Variants in KLHL7 observed in about 807,000 individuals in gnomAD.
KLHL7 encodes the protein kelch-like protein 7.
KLHL7 carries 44 observed loss-of-function variants against 67.4 expected under a neutral mutation model. The ratio of observed to expected loss-of-function variants is 0.65; its 90% CI spans 0.51 to 0.84. The LOEUF (loss-of-function observed/expected upper bound fraction) is 0.84, where lower values mean the gene tolerates loss of function less well. KLHL7 is among the 40% of genes least tolerant of loss of function. The pLI is 0.00. For synonymous variants in KLHL7, 252 were observed against 243.3 expected (o/e 1.04, Z -0.33); for missense variants, 362 against 718.1 (o/e 0.50, Z 5.67).
At chr7:23,160,001 C>A (rs1489357574) in intron 7 of KLHL7, among the ~76,000 whole-genome samples, 1 of 152,144 alleles carries the variant, frequency 6.6e-6, no homozygotes, top group African/African-American at 2.4e-5. Context: ...TATTTAAATA[C>A]AAAAATGCTT....
intron 4 of KLHL7, chr7:23,125,633 T>G: frequency 8.7e-7 from 1 of 1,155,220 alleles, no homozygotes; most frequent in Non-Finnish European, 1.2e-6. Flanking sequence ...CCTTGCTGCC[T>G]CCCCACATTG....
intron 7 of KLHL7, among the ~76,000 whole-genome samples, chr7:23,161,464 A>G (rs1784852409): frequency 6.6e-6 from 1 of 152,226 alleles, no homozygotes; most frequent in Non-Finnish European, 1.5e-5. Flanking sequence ...AATTACCTTT[A>G]TATCTGCCAG....
At chr7:23,106,532 A>G in intron 1 of KLHL7, 1 of 1,094,938 alleles carries the variant, frequency 9.1e-7, no homozygotes, top group African/African-American at 1.6e-5. Flanking sequence ...GGCATAGCCC[A>G]AACCGAAGCC....
At chr7:23,126,530 C>G (rs1783579772) in intron 4 of KLHL7, among the ~76,000 whole-genome samples, 2 of 151,848 alleles carry the variant, frequency 1.3e-5, no homozygotes, top group Non-Finnish European at 2.9e-5. Context: ...GATATTTGAC[C>G]CAGGAGAAAA....
rs1050518915 is a variant in KLHL7 at position 23,176,174 on chromosome 7, A to T, written c.*1876A>T. 1 of 152,050 alleles carries T rather than the reference A, an allele frequency of 6.6e-6. No homozygotes were observed. The highest frequency in any genetic ancestry group is 6.6e-5 in the Admixed American group (1 of 15,264). The allele number at this position is 152,050 out of a possible 1,614,324, so 9.4% of individuals were successfully genotyped here. A position where few individuals can be genotyped will look rare whatever the true frequency, so the allele number is the denominator to read the frequency against. On this transcript the variant is annotated 3_prime_UTR_variant, in exon 11 of 11. Coordinates refer to ENST00000339077, the MANE Select transcript of KLHL7 (RefSeq NM_001031710.3). ...TGGTGGCTTTAAAGAACAGAAATTT[A>T]TTCTCTCACAATTCAGGAAGCCAGC...
rs531800731 is a variant in KLHL7, at chr7:23,161,212, A to G, written c.937-4486A>G. 3.3e-5 allele frequency among the ~76,000 whole-genome samples: 5 copies of G among 152,346 alleles called. No individual in the cohort carries two copies. In the South Asian group the frequency reaches 1.0e-3, roughly 32 times the overall value. On this transcript the variant is annotated intron_variant, in intron 7 of 10. Coordinates refer to ENST00000339077, the MANE Select transcript of KLHL7 (RefSeq NM_001031710.3). ...CGTCCAAAGACAGTCATCAGTAGTT[A>G]GTGAACATCATTTCAGTCCTTACAT...
In KLHL7 at chr7:23,140,782, A is replaced by G. The variant is rs766298228; in HGVS notation, c.456A>G (p.Leu152=). 3 of 1,613,664 alleles carry G rather than the reference A, an allele frequency of 1.9e-6. No homozygotes were observed. Among genetic ancestry groups the G allele is most frequent in the Admixed American group, 1.7e-5 (1 of 60,016 alleles). ...DASNCLGISV[L]AECLDCPELK... ...TTCTGTGTTTAGGTATAAGTGTGCT[A>G]GCGGAGTGTCTAGATTGTCCTGAAT... The change falls in exon 5 of 11, where the codon CTA becomes CTG. Residue 152 remains leucine (L), a synonymous_variant. Coordinates refer to ENST00000339077, the MANE Select transcript of KLHL7 (RefSeq NM_001031710.3).
intron 5 of KLHL7, among the ~76,000 whole-genome samples, chr7:23,141,714 C>T (rs1784189624): frequency 6.6e-6 from 1 of 152,036 alleles, no homozygotes; most frequent in African/African-American, 2.4e-5. Context: ...GCTCCTTCTC[C>T]CGAGTTCACG....
intron 4 of KLHL7, among the ~76,000 whole-genome samples, chr7:23,130,880 A>C (rs1411791141): frequency 6.6e-6 from 1 of 152,232 alleles, no homozygotes; most frequent in African/African-American, 2.4e-5. Flanking sequence ...TAGATCAGGC[A>C]TGTCTGGGGA....
intron 9 of KLHL7, 101 bp from the exon 10 acceptor site, chr7:23,172,847 A>C: frequency 2.4e-6 from 2 of 850,576 alleles, no homozygotes; most frequent in South Asian, 2.7e-5. Context: ...CACATATGTG[A>C]GTAGTAAATG....
chr7:23,123,700 C>A, intron 1 of KLHL7, 77 bp from the exon 2 acceptor site: 1 of 905,550 alleles, frequency 1.1e-6, no homozygotes, highest in Non-Finnish European at 1.8e-6. Flanking sequence ...AAGCATTTGG[C>A]AAGCACCTTT....
At chr7:23,148,625 A>G (rs1385643014) in intron 6 of KLHL7, among the ~76,000 whole-genome samples, 1 of 152,044 alleles carries the variant, frequency 6.6e-6, no homozygotes, top group East Asian at 1.9e-4. Context: ...CAATTCCCAA[A>G]CTGTGTGTTA....
intron 4 of KLHL7, 74 bp from the exon 5 acceptor site, chr7:23,140,695 A>G: frequency 8.0e-7 from 1 of 1,243,082 alleles, no homozygotes; most frequent in South Asian, 1.2e-5. Flanking sequence ...TCCTGAAGTC[A>G]TGCTTCATCT....
At chr7:23,157,455 C>T (rs557810141) in intron 7 of KLHL7, among the ~76,000 whole-genome samples, 1 of 152,254 alleles carries the variant, frequency 6.6e-6, no homozygotes, top group South Asian at 2.1e-4. Context: ...GTGTTCTCTG[C>T]AGTTTGTGCA....
In KLHL7 at chr7:23,128,114, C is replaced by T. The variant is rs117896784; in HGVS notation, c.442+2942C>T. Among the ~76,000 whole-genome samples, 140 of 143,914 alleles carry T rather than the reference C, an allele frequency of 9.7e-4. 4 individuals carry two copies. In the East Asian group the frequency reaches 0.026, roughly 27 times the overall value. 94.4% of individuals were successfully genotyped at this position (143,914 alleles called of 152,430 possible). On this transcript the variant is annotated intron_variant, in intron 4 of 10. Coordinates refer to ENST00000339077, the MANE Select transcript of KLHL7 (RefSeq NM_001031710.3). ...CGCCACTGCACTCTAGGCTGGACTA[C>T]AGAGTGAGACTCTGTCTCAAGAAAA...
At position 23,174,971 on chromosome 7, in the gene KLHL7, CATT is replaced by C. The variant is rs771994081; in HGVS notation, c.*675_*677del. 9 of 450,146 alleles carry C rather than the reference CATT, an allele frequency of 2.0e-5. No homozygotes were observed. Among genetic ancestry groups the C allele is most frequent in the South Asian group, 1.3e-4 (8 of 63,898 alleles). 27.9% of individuals were successfully genotyped at this position (450,146 alleles called of 1,614,324 possible). ...ATAAAATGTAAAGCTTAGCACCCAT[CATT>C]AATTTATGTCTCTGTTTTATCCAGT... On this transcript the variant is annotated 3_prime_UTR_variant, in exon 11 of 11. Coordinates refer to ENST00000339077, the MANE Select transcript of KLHL7 (RefSeq NM_001031710.3).
At chr7:23,111,530 A>G (rs1282075701) in intron 1 of KLHL7, among the ~76,000 whole-genome samples, 2 of 152,198 alleles carry the variant, frequency 1.3e-5, no homozygotes, top group African/African-American at 4.8e-5. Flanking sequence ...TCTTTAAAAA[A>G]GATGACTTGG....
intron 4 of KLHL7, among the ~76,000 whole-genome samples, chr7:23,137,886 A>G (rs544109492): frequency 6.7e-4 from 99 of 148,346 alleles, no homozygotes; most frequent in African/African-American, 2.2e-3. Context: ...CTTAAAAAGC[A>G]TAAAACCTGG....
At chr7:23,117,041 T>C (rs1325251819) in intron 1 of KLHL7, among the ~76,000 whole-genome samples, 1 of 150,948 alleles carries the variant, frequency 6.6e-6, no homozygotes, top group East Asian at 1.9e-4. Context: ...TTAATATCTT[T>C]AGCATTAAGA....
Sources: gnomAD v4.1 joint callset for allele counts (sites outside exome capture counted in the v4.1 genomes callset) on GRCh38, gnomAD v4.1.1 for gene constraint, MANE v1.5 for transcripts, NCBI Gene and HGNC (gene_info 2026-07-23, HGNC 2026-07-21) for gene names.